Variants in NEURL1 observed in about 807,000 individuals in gnomAD.
The protein encoded by NEURL1 is E3 ubiquitin-protein ligase NEURL1.
A neutral mutation model predicts 41.2 loss-of-function variants in NEURL1; 26 were observed. That is an observed-to-expected ratio of 0.63 (90% confidence interval 0.46 to 0.87). NEURL1 has a LOEUF of 0.87. Ranked by LOEUF, NEURL1 falls within the 40% of genes least tolerant of loss-of-function variation. NEURL1 has a pLI of 0.00. For missense variants in NEURL1, 761 were observed against 871.1 expected, an observed-to-expected ratio of 0.87 and a Z score of 1.59; for synonymous variants, 400 against 402.3, an observed-to-expected ratio of 0.99 and a Z score of 0.07.
At chr10:103,586,616 A>C (rs1000891106) in intron 4 of NEURL1, among the ~76,000 whole-genome samples, 1 of 152,258 alleles carries the variant, frequency 6.6e-6, no homozygotes. Context: ...GTATAGGCAC[A>C]TGTGAGTAAC....
At chr10:103,542,714 C>T (rs1465739978) in intron 1 of NEURL1, among the ~76,000 whole-genome samples, 1 of 152,184 alleles carries the variant, frequency 6.6e-6, no homozygotes, top group African/African-American at 2.4e-5. Context: ...AAGTCACTTA[C>T]CCTCTTTCAG....
chr10:103,498,165 A>G (rs974516089), intron 1 of NEURL1, among the ~76,000 whole-genome samples: 1 of 152,244 alleles, frequency 6.6e-6, no homozygotes, highest in Non-Finnish European at 1.5e-5. Context: ...AGAAAAATAC[A>G]AAGAATAAAG....
chr10:103,509,679 G>GCTTTT (rs1339655627), intron 1 of NEURL1, among the ~76,000 whole-genome samples: 1 of 152,198 alleles, frequency 6.6e-6, no homozygotes, highest in Non-Finnish European at 1.5e-5. Flanking sequence ...GGCCAGATCG[G>GCTTTT]CTTTTGAAGA....
chr10:103,551,823 G>T (rs1446924929), intron 1 of NEURL1, among the ~76,000 whole-genome samples: 1 of 152,144 alleles, frequency 6.6e-6, no homozygotes, highest in Non-Finnish European at 1.5e-5. Flanking sequence ...AACCCTTTTA[G>T]ACTGCAGTGT....
intron 1 of NEURL1, among the ~76,000 whole-genome samples, chr10:103,507,724 T>G (rs1052619159): frequency 2.6e-5 from 4 of 152,196 alleles, no homozygotes; most frequent in Non-Finnish European, 4.4e-5. Flanking sequence ...TCCCTACCCC[T>G]TGGGACACCA....
chr10:103,534,379 A>G (rs890909768), intron 1 of NEURL1, among the ~76,000 whole-genome samples: 15 of 152,086 alleles, frequency 9.9e-5, no homozygotes, highest in Admixed American at 7.2e-4. Flanking sequence ...TAGTGGATCA[A>G]TCACCTCTTC....
At chr10:103,529,882 T>C (rs1296537257) in intron 1 of NEURL1, among the ~76,000 whole-genome samples, 1 of 152,138 alleles carries the variant, frequency 6.6e-6, no homozygotes, top group African/African-American at 2.4e-5. Context: ...TGGAAAGCGG[T>C]CACAATTCAG....
chr10:103,500,240 T>C (rs1452159103), intron 1 of NEURL1, among the ~76,000 whole-genome samples: 2 of 152,226 alleles, frequency 1.3e-5, no homozygotes, highest in South Asian at 2.1e-4. Flanking sequence ...ATAGCTACCA[T>C]GCACTGGGTG....
rs191481000 is a variant in NEURL1, at chr10:103,511,584, T to C, written c.85+17112T>C. On this transcript the variant is annotated intron_variant, in intron 1 of 5. Transcript: ENST00000369780. ...CTAATTCCTTATTTGAGGTAATGCTTGACTAGTAATAAAAGCATAATAAAT... is the reference window on the plus strand; with the variant it reads ...CTAATTCCTTATTTGAGGTAATGCTCGACTAGTAATAAAAGCATAATAAAT... 2.2e-3 allele frequency among the ~76,000 whole-genome samples: 337 copies of C among 152,344 alleles called. 1 individual carries two copies. The highest frequency in any genetic ancestry group is 3.7e-3 in the Non-Finnish European group (254 of 68,026).
rs1447805522 is a variant in NEURL1, at chr10:103,508,751, A to G, written c.85+14279A>G. ...GAGGGAGCAGAATGCCACTCACATG[A>G]AAGTTTCGGCCTCAGAGGGCAGCCC... is the stretch of plus-strand genomic sequence containing the variant. On this transcript the variant is annotated intron_variant, in intron 1 of 5. Coordinates refer to ENST00000369780, the MANE Select transcript of NEURL1 (RefSeq NM_004210.5). This position sits in a 1 kb window ranked among gnomAD's most constrained non-coding sequence, Gnocchi z 4.3. 1.3e-5 allele frequency among the ~76,000 whole-genome samples: 2 copies of G among 151,424 alleles called. No homozygotes were observed. The highest frequency in any genetic ancestry group is 2.4e-5 in the African/African-American group (1 of 41,142).
intron 1 of NEURL1, among the ~76,000 whole-genome samples, chr10:103,511,042 T>C (rs1430712192): frequency 1.3e-5 from 2 of 152,142 alleles, no homozygotes; most frequent in Non-Finnish European, 2.9e-5. Flanking sequence ...GCATCCACCC[T>C]GCTGCAGGTG....
At chr10:103,552,655 C>T (rs55706621) in intron 1 of NEURL1, among the ~76,000 whole-genome samples, 59,973 of 151,980 alleles carry the variant, frequency 0.39, 12,106 homozygotes, top group African/African-American at 0.45. Context: ...ACTGGAAGTC[C>T]GCGAGAGCTA....
intron 1 of NEURL1, among the ~76,000 whole-genome samples, chr10:103,557,166 G>A (rs1022893759): frequency 1.2e-4 from 18 of 152,144 alleles, no homozygotes; most frequent in African/African-American, 4.1e-4. Flanking sequence ...GATGGTTCAC[G>A]CCTGCAATCC....
chr10:103,585,142 G>C lies in NEURL1; in HGVS notation c.1256G>C (p.Gly419Ala). Residue 419 changes from glycine (G) to alanine (A), a missense_variant, in exon 4 of 6, where the codon GGC becomes GCC. Physicochemically the swap from Gly to Ala is moderately conservative, Grantham distance 60. This residue lies in a region of NEURL1 where 443 missense variants were observed against 408.1 expected (regional missense o/e 1.09). Coordinates refer to ENST00000369780, the MANE Select transcript of NEURL1 (RefSeq NM_004210.5). The part of the protein sequence containing the change: ...LHLSHNGAAA[G>A]MQLCVDASQP... ...CTCAGCCACAATGGCGCGGCCGCCG[G>C]CATGCAGCTGTGCGTGGACGCCTCG... 1.9e-6 allele frequency: 3 copies of C among 1,591,710 alleles called. No individual in the cohort carries two copies. Among genetic ancestry groups the C allele is most frequent in the Non-Finnish European group, 2.6e-6 (3 of 1,175,978 alleles).
At position 103,585,065 on chromosome 10, in the gene NEURL1, G is replaced by A; in HGVS notation, c.1179G>A (p.Leu393=). The A allele has an allele frequency of 6.3e-7, 1 of 1,590,556 alleles. No homozygotes were observed. The highest frequency in any genetic ancestry group is 1.3e-5 in the African/African-American group (1 of 74,820). The change falls in exon 4 of 6, where the codon CTG becomes CTA. Residue 393 remains leucine, a synonymous_variant. Coordinates refer to ENST00000369780, the MANE Select transcript of NEURL1 (RefSeq NM_004210.5). ...FWAVCRVPGP[L]HSGDILGLVV... Reference sequence around the variant, plus strand: ...CCGTGTGCCGCGTGCCCGGGCCCCTGCACAGCGGCGACATCCTGGGCCTGG... The same window carrying A: ...CCGTGTGCCGCGTGCCCGGGCCCCTACACAGCGGCGACATCCTGGGCCTGG...
chr10:103,559,037 G>T (rs1350519035), intron 1 of NEURL1, among the ~76,000 whole-genome samples: 1 of 152,108 alleles, frequency 6.6e-6, no homozygotes, highest in African/African-American at 2.4e-5. Flanking sequence ...CCAGGAAAGG[G>T]AAATGGCTAA....
chr10:103,540,788 G>A lies in NEURL1; in HGVS notation c.86-30084G>A, dbSNP rs1245482722. Among the ~76,000 whole-genome samples the A allele has an allele frequency of 2.0e-5, 3 of 152,286 alleles. No individual in the cohort carries two copies. The East Asian group carries it at 5.8e-4, about 29-fold the overall frequency. ...TTTTTAAATTAAATATTCCATTGGGGCGAAGTGAGGGGAGGCCGAGGGAGC... is the reference window on the plus strand; with the variant it reads ...TTTTTAAATTAAATATTCCATTGGGACGAAGTGAGGGGAGGCCGAGGGAGC... On this transcript the variant is annotated intron_variant, in intron 1 of 5. Coordinates refer to ENST00000369780, the MANE Select transcript of NEURL1 (RefSeq NM_004210.5).
intron 1 of NEURL1, among the ~76,000 whole-genome samples, chr10:103,523,125 T>C (rs968450826): frequency 6.6e-6 from 1 of 152,164 alleles, no homozygotes; most frequent in African/African-American, 2.4e-5. Flanking sequence ...CATTTCTTTG[T>C]GCTGGGAACA....
intron 1 of NEURL1, among the ~76,000 whole-genome samples, chr10:103,559,053 G>A (rs1364459608): frequency 2.0e-5 from 3 of 152,112 alleles, no homozygotes; most frequent in African/African-American, 7.2e-5. Flanking sequence ...GCTAACTGAG[G>A]CCACACAGCT....
Sources: allele counts gnomAD v4.1 joint callset (sites outside exome capture counted in the v4.1 genomes callset), GRCh38; gene constraint gnomAD v4.1.1; regional missense constraint gnomAD v4.1.1; non-coding constraint Gnocchi (gnomAD v3.1); transcripts MANE v1.5; gene names NCBI Gene and HGNC (gene_info 2026-07-23, HGNC 2026-07-21).